Variants in STK39 observed in about 807,000 individuals in gnomAD.
STK39 encodes the protein STE20/SPS1-related proline-alanine-rich protein kinase.
In STK39, 20 loss-of-function variants were observed where a neutral mutation model predicts 77.8. That is an observed-to-expected ratio of 0.26 (90% CI 0.18 to 0.37). STK39 has a LOEUF of 0.37. STK39 is among the 10% of genes least tolerant of loss of function. The pLI, the probability that STK39 is intolerant of heterozygous loss-of-function variation, is 1.00. For missense variants in STK39, 479 were observed against 656.5 expected (o/e 0.73, Z 2.95); for synonymous variants, 246 against 234.1 (o/e 1.05, Z -0.47).
At chr2:168,082,863 C>T (rs911453461) in intron 10 of STK39, among the ~76,000 whole-genome samples, 10 of 152,208 alleles carry the variant, frequency 6.6e-5, no homozygotes, top group Admixed American at 5.9e-4. Context: ...CCATCTCCAG[C>T]CTCATTCTGA....
intron 1 of STK39, among the ~76,000 whole-genome samples, chr2:168,226,912 ATTAG>A (rs1290439303): frequency 6.6e-6 from 1 of 152,256 alleles, no homozygotes; most frequent in African/African-American, 2.4e-5. Flanking sequence ...CAATAAAGGA[ATTAG>A]TTAAGTAAAT....
At chr2:168,174,686 T>C (rs975350763) in intron 2 of STK39, among the ~76,000 whole-genome samples, 9 of 151,782 alleles carry the variant, frequency 5.9e-5, no homozygotes, top group African/African-American at 2.2e-4. Flanking sequence ...AAAATTCAAA[T>C]TGAAGATGTC....
At chr2:168,024,585 C>T (rs1454426585) in intron 14 of STK39, among the ~76,000 whole-genome samples, 2 of 152,196 alleles carry the variant, frequency 1.3e-5, no homozygotes, top group Non-Finnish European at 2.9e-5. Context: ...AGCAAGAAGA[C>T]ATTAAGATGG....
chr2:168,224,383 T>A (rs1320676722), intron 1 of STK39, among the ~76,000 whole-genome samples: 1 of 152,166 alleles, frequency 6.6e-6, no homozygotes, highest in Non-Finnish European at 1.5e-5. Context: ...GGAATATGGT[T>A]CAACTGTTTA....
At chr2:168,232,393 C>T (rs1048968885) in intron 1 of STK39, among the ~76,000 whole-genome samples, 1 of 152,132 alleles carries the variant, frequency 6.6e-6, no homozygotes, top group South Asian at 2.1e-4. Flanking sequence ...CCCTTTCTTC[C>T]AGGTAGCTCC....
rs1559032446 is a variant in STK39, at chr2:167,956,725, CT to C, written c.1564-1156del. 5.6e-3 allele frequency among the ~76,000 whole-genome samples: 356 copies of C among 63,384 alleles called. 12 individuals carry two copies. The highest frequency in any genetic ancestry group is 9.2e-3 in the Non-Finnish European group (269 of 29,148). The allele number at this position is 63,384 out of a possible 152,430, so 41.6% of individuals were successfully genotyped here. Reference sequence around the variant, plus strand: ...TCTCTCTCTCTCTCTCTCTCTCTCTCTCTCCCCCCCCGCCCCCTCAGATCCA... The same window carrying C: ...TCTCTCTCTCTCTCTCTCTCTCTCTCCTCCCCCCCCGCCCCCTCAGATCCA... On this transcript the variant is annotated intron_variant, in intron 17 of 17. Transcript: ENST00000355999.
Position 167,985,671 on chromosome 2 carries a change from TG to T in STK39, c.1499-20946del, listed in dbSNP as rs369956601. Among the ~76,000 whole-genome samples the T allele has an allele frequency of 1.3e-3, 193 of 152,254 alleles. 3 individuals are homozygous for T. Among genetic ancestry groups the T allele is most frequent in the African/African-American group, 4.1e-3 (170 of 41,544 alleles). On this transcript the variant is annotated intron_variant, in intron 16 of 17. Coordinates refer to ENST00000355999, the MANE Select transcript of STK39 (RefSeq NM_013233.3). ...ACATGACATTATTTTAGGGGAAAAG[TG>T]GCCATTTATATACTAAGACACAGTC...
At chr2:168,086,293 G>A (rs1686365988) in intron 10 of STK39, among the ~76,000 whole-genome samples, 1 of 151,972 alleles carries the variant, frequency 6.6e-6, no homozygotes, top group Admixed American at 6.6e-5. Context: ...GTATACTCCA[G>A]GCCTCTGAAC....
At chr2:168,109,116 G>A (rs897081827) in intron 10 of STK39, among the ~76,000 whole-genome samples, 2 of 152,072 alleles carry the variant, frequency 1.3e-5, no homozygotes, top group African/African-American at 4.8e-5. Context: ...ATGTTGTTGC[G>A]ATGTAATATT....
At chr2:167,960,852 G>A (rs1337741173) in intron 17 of STK39, among the ~76,000 whole-genome samples, 1 of 149,162 alleles carries the variant, frequency 6.7e-6, no homozygotes, top group Non-Finnish European at 1.5e-5. Context: ...TTCCTTTAAA[G>A]CATTGGTTCT....
intron 1 of STK39, among the ~76,000 whole-genome samples, chr2:168,245,429 T>G (rs1177387731): frequency 6.6e-6 from 1 of 152,196 alleles, no homozygotes; most frequent in East Asian, 1.9e-4. Flanking sequence ...GGCCTTCAGA[T>G]CTTGTTGCGC....
At chr2:168,195,861 C>A (rs1299384394) in intron 1 of STK39, among the ~76,000 whole-genome samples, 1 of 152,086 alleles carries the variant, frequency 6.6e-6, no homozygotes, top group Admixed American at 6.6e-5. Flanking sequence ...TACTAAAAAT[C>A]AAAAAATTAG....
chr2:168,092,930 G>C (rs1355079106), intron 10 of STK39, among the ~76,000 whole-genome samples: 1 of 152,096 alleles, frequency 6.6e-6, no homozygotes, highest in African/African-American at 2.4e-5. Flanking sequence ...GGAATCTTTC[G>C]CACACAATGT....
intron 1 of STK39, among the ~76,000 whole-genome samples, chr2:168,188,646 T>C (rs1000914615): frequency 3.3e-5 from 5 of 152,218 alleles, no homozygotes; most frequent in African/African-American, 1.2e-4. Flanking sequence ...AGTATGAGCA[T>C]GTACTCGGCA....
intron 16 of STK39, among the ~76,000 whole-genome samples, chr2:168,004,408 G>C (rs1684071021): frequency 6.6e-6 from 1 of 152,090 alleles, no homozygotes; most frequent in African/African-American, 2.4e-5. Flanking sequence ...TGAGCTGAAG[G>C]CATCTCCAAA....
intron 16 of STK39, among the ~76,000 whole-genome samples, chr2:167,978,815 T>C (rs550383651): frequency 1.3e-4 from 20 of 152,320 alleles, no homozygotes; most frequent in African/African-American, 4.8e-4. Context: ...ATGTGTTTTC[T>C]GTCACTATAG....
At chr2:168,018,511 AAAAGAAAGAAAAGAAAGAAAAG>A (rs1684473422) in intron 14 of STK39, among the ~76,000 whole-genome samples, 1 of 115,240 alleles carries the variant, frequency 8.7e-6, no homozygotes, top group African/African-American at 4.4e-5. Flanking sequence ...GAAAAGAAAG[AAAAGAAAGAAAAGAAAGAAAAG>A]AAAGAAAAGA....
rs2105256795 is a variant in STK39 at position 167,974,306 on chromosome 2, A to C, written c.1499-9580T>G. On this transcript the variant is annotated intron_variant, in intron 16 of 17. Coordinates refer to ENST00000355999, the MANE Select transcript of STK39 (RefSeq NM_013233.3). ...ACCTGGAATTCTATTTCATAATACC[A>C]AGTGTTTTAAACCTTAATATATTTG... 1.3e-5 allele frequency among the ~76,000 whole-genome samples: 2 copies of C among 152,242 alleles called. 1 individual carries two copies. Among genetic ancestry groups the C allele is most frequent in the East Asian group, 3.9e-4 (2 of 5,176 alleles).
At chr2:168,197,967 G>C (rs1004513603) in intron 1 of STK39, among the ~76,000 whole-genome samples, 4 of 151,840 alleles carry the variant, frequency 2.6e-5, no homozygotes, top group African/African-American at 7.3e-5. Context: ...GAACCCAGGA[G>C]GTAGAGGGTG....
Sources: allele counts gnomAD v4.1 joint callset (sites outside exome capture counted in the v4.1 genomes callset), GRCh38; gene constraint gnomAD v4.1.1; transcripts MANE v1.5; gene names NCBI Gene and HGNC (gene_info 2026-07-23, HGNC 2026-07-21).